The following HMGCLL1 variants were observed in gnomAD, a reference collection of about 807,000 sequenced individuals.
HMGCLL1 encodes 3-hydroxy-3-methylglutaryl-CoA lyase like 1.
HMGCLL1 carries 36 observed loss-of-function variants against 39.1 expected under a neutral mutation model. The observed-to-expected ratio is 0.92, with a 90% confidence interval of 0.71 to 1.22. The LOEUF (loss-of-function observed/expected upper bound fraction) is 1.22, where lower values mean the gene tolerates loss of function less well. HMGCLL1 is among the 50% of genes most tolerant of loss of function. The probability of loss-of-function intolerance (pLI) is 0.00; values close to 1 mark genes in which losing one functional copy is unlikely to be tolerated. For synonymous variants in HMGCLL1, 149 were observed against 144.0 expected, an observed-to-expected ratio of 1.03 and a Z score of -0.25; for missense variants, 451 against 416.5, an observed-to-expected ratio of 1.08 and a Z score of -0.72.
At position 55,516,544 on chromosome 6, in the gene HMGCLL1, A is replaced by C. The variant is rs763387000; in HGVS notation, c.357T>G (p.Pro119=). 1 of 1,602,536 alleles carries C rather than the reference A, an allele frequency of 6.2e-7. No individual in the cohort carries two copies. The highest frequency in any genetic ancestry group is 1.3e-5 in the African/African-American group (1 of 74,832). Residue 119 remains proline (P), a synonymous_variant, in exon 4 of 9, where the codon CCT becomes CCG. Transcript: ENST00000274901. ...AACCCTGAAGATTAGGAGTAAGGAC[A>C]GGATAGCGAACTCCTGGATATTGAT... The part of the protein sequence containing the change: ...GIHQYPGVRY[P]VLTPNLQGFH...
At chr6:55,617,791 G>A in the HMGCLL1 span, among the ~76,000 whole-genome samples, 2 of 152,002 alleles carry the variant, frequency 1.3e-5, no homozygotes, top group Non-Finnish European at 2.9e-5. Context: ...ATGCCCTAGG[G>A]AAACAAATGC....
the HMGCLL1 span, among the ~76,000 whole-genome samples, chr6:55,630,090 C>A: frequency 1.3e-5 from 2 of 152,114 alleles, no homozygotes; most frequent in African/African-American, 4.8e-5. Context: ...TTGCACCATG[C>A]ACCTGGAAAA....
chr6:55,594,916 T>G, the HMGCLL1 span, among the ~76,000 whole-genome samples: 2 of 152,174 alleles, frequency 1.3e-5, no homozygotes, highest in Admixed American at 6.5e-5. Context: ...GTATACAGAG[T>G]AGTAAACACT....
At chr6:55,655,456 C>T in the HMGCLL1 span, among the ~76,000 whole-genome samples, 5 of 151,424 alleles carry the variant, frequency 3.3e-5, no homozygotes, top group African/African-American at 4.9e-5. Context: ...TTCCCATCAA[C>T]GTTTAAATAT....
At chr6:55,473,182 T>A (rs1765121287) in intron 7 of HMGCLL1, among the ~76,000 whole-genome samples, 1 of 151,366 alleles carries the variant, frequency 6.6e-6, no homozygotes, top group Non-Finnish European at 1.5e-5. Context: ...TAGTTGGGTC[T>A]TGCTTTTAAA....
chr6:55,474,630 A>G (rs900433676), intron 7 of HMGCLL1, among the ~76,000 whole-genome samples: 4 of 151,190 alleles, frequency 2.6e-5, no homozygotes, highest in African/African-American at 9.7e-5. Context: ...TCTGATTCTG[A>G]GGGTTGCTTT....
chr6:55,657,099 T>C, the HMGCLL1 span, among the ~76,000 whole-genome samples: 1 of 151,966 alleles, frequency 6.6e-6, no homozygotes, highest in Non-Finnish European at 1.5e-5. Flanking sequence ...CTGGATATTA[T>C]ACCTTTGTCA....
At chr6:55,625,623 G>A in the HMGCLL1 span, among the ~76,000 whole-genome samples, 1 of 152,128 alleles carries the variant, frequency 6.6e-6, no homozygotes, top group African/African-American at 2.4e-5. Flanking sequence ...TTCCCAGTGG[G>A]CCGAACTTTG....
intron 7 of HMGCLL1, among the ~76,000 whole-genome samples, chr6:55,447,785 A>C (rs1042658907): frequency 6.6e-5 from 10 of 152,248 alleles, no homozygotes; most frequent in Admixed American, 5.2e-4. Context: ...AGGTTCATGA[A>C]GGGCAAGTGA....
At chr6:55,504,607 T>C (rs1437000558) in intron 5 of HMGCLL1, among the ~76,000 whole-genome samples, 3 of 151,658 alleles carry the variant, frequency 2.0e-5, no homozygotes, top group Non-Finnish European at 3.0e-5. Flanking sequence ...AGATTACTTA[T>C]AATACCTAAT....
At chr6:55,563,419 T>C (rs547841931) in intron 1 of HMGCLL1, among the ~76,000 whole-genome samples, 1 of 152,326 alleles carries the variant, frequency 6.6e-6, no homozygotes, top group African/African-American at 2.4e-5. Context: ...TTTCAATTCC[T>C]ATTATTTCTA....
chr6:55,456,601 C>T (rs772448408), intron 7 of HMGCLL1, among the ~76,000 whole-genome samples: 9 of 152,266 alleles, frequency 5.9e-5, no homozygotes, highest in Middle Eastern at 3.4e-3. Flanking sequence ...GTTCAGCCAA[C>T]AGTAAGCTCT....
At chr6:55,666,134 C>CT in the HMGCLL1 span, among the ~76,000 whole-genome samples, 3,233 of 151,536 alleles carry the variant, frequency 0.021, 41 homozygotes, top group Non-Finnish European at 0.033. Context: ...TATAAACCCT[C>CT]TTTTTTTTGG....
chr6:55,599,052 G>A, the HMGCLL1 span, among the ~76,000 whole-genome samples: 2 of 152,082 alleles, frequency 1.3e-5, no homozygotes, highest in African/African-American at 4.8e-5. Flanking sequence ...TCATAAGTGG[G>A]AGCTGAACAA....
the HMGCLL1 span, among the ~76,000 whole-genome samples, chr6:55,659,748 G>A: frequency 1.3e-5 from 2 of 151,712 alleles, no homozygotes; most frequent in Non-Finnish European, 2.9e-5. Context: ...ACTTTATGCT[G>A]TATTCAGCAC....
chr6:55,521,105 C>T (rs1768015325), intron 3 of HMGCLL1, among the ~76,000 whole-genome samples: 1 of 152,030 alleles, frequency 6.6e-6, no homozygotes, highest in Non-Finnish European at 1.5e-5. Context: ...TTTAGATATC[C>T]TATCATGTTG....
intron 2 of HMGCLL1, 85 bp downstream of exon 2, chr6:55,541,975 A>G (rs1459437496): frequency 2.0e-6 from 2 of 1,001,790 alleles, no homozygotes; most frequent in Non-Finnish European, 3.0e-6. Flanking sequence ...ATATAATCAG[A>G]TAACATATGA....
chr6:55,505,096 T>A (rs940037242), intron 5 of HMGCLL1, among the ~76,000 whole-genome samples: 12 of 151,644 alleles, frequency 7.9e-5, no homozygotes, highest in Non-Finnish European at 1.8e-4. Context: ...TTTTTAATAG[T>A]CTGTAAAAAC....
chr6:55,611,946 C>G, the HMGCLL1 span, among the ~76,000 whole-genome samples: 1 of 152,028 alleles, frequency 6.6e-6, no homozygotes, highest in Non-Finnish European at 1.5e-5. Flanking sequence ...TATTGGAAGT[C>G]CTGGCCAGGG....
Sources: allele counts gnomAD v4.1 joint callset (sites outside exome capture counted in the v4.1 genomes callset), GRCh38; gene constraint gnomAD v4.1.1; transcripts MANE v1.5; gene names NCBI Gene and HGNC (gene_info 2026-07-23, HGNC 2026-07-21).